The following DSCAM variants were observed in gnomAD, a reference collection of about 807,000 sequenced individuals.
The protein encoded by DSCAM is cell adhesion molecule DSCAM.
Under a neutral mutation model 217.7 loss-of-function variants are expected in DSCAM, and 47 were observed. The ratio of observed to expected loss-of-function variants is 0.22; its 90% CI spans 0.17 to 0.28. The LOEUF is 0.28. Among genes scored for constraint, DSCAM ranks in the 10% least tolerant of loss-of-function variants. The probability of loss-of-function intolerance (pLI) is 1.00; values close to 1 mark genes in which losing one functional copy is unlikely to be tolerated. For missense variants in DSCAM, 2,080 were observed against 2,618.3 expected (o/e 0.79, Z 4.49); for synonymous variants, 1,056 against 1,015.3 (o/e 1.04, Z -0.76).
At chr21:40,840,570 C>T (rs2092092404) in intron 1 of DSCAM, among the ~76,000 whole-genome samples, 1 of 152,110 alleles carries the variant, frequency 6.6e-6, no homozygotes, top group African/African-American at 2.4e-5. Flanking sequence ...AGGAAGAGCA[C>T]CTAAAGCAAT....
At chr21:40,229,269 C>T (rs1002497886) in intron 11 of DSCAM, among the ~76,000 whole-genome samples, 3 of 152,240 alleles carry the variant, frequency 2.0e-5, no homozygotes, top group Admixed American at 2.0e-4. Context: ...AGTTATTTAA[C>T]TCATTTGTAA....
intron 31 of DSCAM, 144 bp downstream of exon 31, chr21:40,043,934 C>T (rs978339835): frequency 2.9e-5 from 24 of 821,236 alleles, no homozygotes; most frequent in Middle Eastern, 3.7e-4. Flanking sequence ...TTAGATAAAC[C>T]GCGTAACAAT....
At chr21:40,292,623 TA>T (rs979000567) in intron 10 of DSCAM, among the ~76,000 whole-genome samples, 3 of 152,186 alleles carry the variant, frequency 2.0e-5, no homozygotes, top group Admixed American at 1.3e-4. Context: ...TTGAAAGTTA[TA>T]AAAATTATTT....
At chr21:40,062,347 G>A (rs2089136443) in intron 28 of DSCAM, among the ~76,000 whole-genome samples, 1 of 152,198 alleles carries the variant, frequency 6.6e-6, no homozygotes, top group African/African-American at 2.4e-5. Context: ...CCTAACACGA[G>A]GATGAACTAT....
At chr21:40,141,867 G>A (rs1344751541) in intron 18 of DSCAM, among the ~76,000 whole-genome samples, 1 of 152,082 alleles carries the variant, frequency 6.6e-6, no homozygotes, top group Non-Finnish European at 1.5e-5. Flanking sequence ...AGACACTGAG[G>A]TGTTGCTGCA....
intron 3 of DSCAM, among the ~76,000 whole-genome samples, chr21:40,423,363 A>C (rs1392930934): frequency 6.6e-6 from 1 of 152,102 alleles, no homozygotes. Flanking sequence ...AGAGAGAGAG[A>C]TTGAGAACAT....
chr21:40,493,361 TAAAC>T (rs1387287178), intron 3 of DSCAM, among the ~76,000 whole-genome samples: 3 of 152,048 alleles, frequency 2.0e-5, no homozygotes, highest in Non-Finnish European at 4.4e-5. Flanking sequence ...AGAACATTAA[TAAAC>T]AACACGAAAA....
intron 3 of DSCAM, among the ~76,000 whole-genome samples, chr21:40,605,328 C>T (rs759199761): frequency 6.6e-6 from 1 of 152,132 alleles, no homozygotes; most frequent in Non-Finnish European, 1.5e-5. Context: ...TGCCCTGTGA[C>T]CTCAATCCTC....
intron 3 of DSCAM, among the ~76,000 whole-genome samples, chr21:40,413,383 CAG>C (rs2075341104): frequency 1.3e-5 from 2 of 152,210 alleles, no homozygotes; most frequent in African/African-American, 4.8e-5. Flanking sequence ...TGCAAAGCCA[CAG>C]AGGCAGAGCT....
intron 3 of DSCAM, among the ~76,000 whole-genome samples, chr21:40,405,005 T>C (rs1159879626): frequency 1.3e-5 from 2 of 152,194 alleles, no homozygotes; most frequent in Admixed American, 1.3e-4. Context: ...AAAATATGTA[T>C]TATTCAAGTT....
At chr21:40,824,590 A>G (rs900244840) in intron 1 of DSCAM, among the ~76,000 whole-genome samples, 1 of 151,824 alleles carries the variant, frequency 6.6e-6, no homozygotes, top group Non-Finnish European at 1.5e-5. Context: ...TTTAAAAAAT[A>G]TTTTTGTAGA....
intron 26 of DSCAM, among the ~76,000 whole-genome samples, chr21:40,077,678 C>T (rs188879274): frequency 6.6e-6 from 1 of 152,302 alleles, no homozygotes; most frequent in East Asian, 1.9e-4. Context: ...AAAGGCATCC[C>T]CTCACAAAGC....
intron 3 of DSCAM, among the ~76,000 whole-genome samples, chr21:40,540,599 C>A (rs2076535440): frequency 6.6e-6 from 1 of 152,096 alleles, no homozygotes; most frequent in African/African-American, 2.4e-5. Flanking sequence ...GATATAAGAG[C>A]TTTAAAAATA....
intron 3 of DSCAM, among the ~76,000 whole-genome samples, chr21:40,690,198 G>T (rs1436595832): frequency 1.3e-5 from 2 of 152,136 alleles, no homozygotes; most frequent in African/African-American, 4.8e-5. Flanking sequence ...TCCTTTTCTG[G>T]GCATTGCTGA....
At chr21:40,152,116 G>GAA (rs10718861) in intron 16 of DSCAM, among the ~76,000 whole-genome samples, 1 of 146,980 alleles carries the variant, frequency 6.8e-6, no homozygotes, top group East Asian at 2.0e-4. Flanking sequence ...TAAGCATATG[G>GAA]AAAAAAAAAA....
At chr21:40,395,140 T>C (rs1483732054) in intron 3 of DSCAM, among the ~76,000 whole-genome samples, 1 of 152,216 alleles carries the variant, frequency 6.6e-6, no homozygotes, top group Non-Finnish European at 1.5e-5. Flanking sequence ...GTATTTTAAC[T>C]TCTTCCTCCC....
intron 11 of DSCAM, among the ~76,000 whole-genome samples, chr21:40,265,931 T>C (rs2073520098): frequency 6.6e-6 from 1 of 152,184 alleles, no homozygotes; most frequent in African/African-American, 2.4e-5. Flanking sequence ...GGAAAAACTC[T>C]TTTGGACATT....
At chr21:40,075,276 G>A (rs2089349415) in intron 26 of DSCAM, 63 bp from the exon 27 acceptor site, 1 of 1,566,246 alleles carries the variant, frequency 6.4e-7, no homozygotes, top group Non-Finnish European at 8.7e-7. Flanking sequence ...AGCTTTTAGG[G>A]ATGACAGGTT....
At chr21:40,138,051 A>C (rs1336361998) in intron 18 of DSCAM, among the ~76,000 whole-genome samples, 1 of 152,188 alleles carries the variant, frequency 6.6e-6, no homozygotes, top group Non-Finnish European at 1.5e-5. Flanking sequence ...CTGACCATGA[A>C]AAAAAAATCA....
Sources: gnomAD v4.1 joint callset for allele counts (sites outside exome capture counted in the v4.1 genomes callset) on GRCh38, gnomAD v4.1.1 for gene constraint, MANE v1.5 for transcripts, NCBI Gene and HGNC (gene_info 2026-07-23, HGNC 2026-07-21) for gene names.